The following CPQ variants were observed in gnomAD, a reference collection of about 807,000 sequenced individuals.
The protein encoded by CPQ is carboxypeptidase Q, also known as Ser-Met dipeptidase.
Under a neutral mutation model 45.7 loss-of-function variants are expected in CPQ, and 37 were observed. The ratio of observed to expected loss-of-function variants is 0.81; its 90% CI spans 0.62 to 1.07. The LOEUF (loss-of-function observed/expected upper bound fraction) is 1.07. CPQ is among the 50% of genes least tolerant of loss of function. The pLI is 0.00. For missense variants in CPQ, 537 were observed against 572.9 expected (o/e 0.94, Z 0.64); for synonymous variants, 186 against 205.8 (o/e 0.90, Z 0.82).
chr8:96,909,238 G>T (rs1207617045), intron 4 of CPQ, among the ~76,000 whole-genome samples: 1 of 151,714 alleles, frequency 6.6e-6, no homozygotes, highest in Admixed American at 6.6e-5. Context: ...GATATCATAT[G>T]CAACCGCTGG....
At chr8:96,705,584 C>T (rs1395531943) in intron 1 of CPQ, among the ~76,000 whole-genome samples, 7 of 152,106 alleles carry the variant, frequency 4.6e-5, no homozygotes, top group African/African-American at 1.7e-4. Flanking sequence ...TGCTCCTACC[C>T]CTAGACCTGT....
intron 2 of CPQ, among the ~76,000 whole-genome samples, chr8:96,816,322 G>T (rs1002503941): frequency 6.6e-5 from 10 of 152,212 alleles, no homozygotes; most frequent in Non-Finnish European, 8.8e-5. Flanking sequence ...CTCCTCATCT[G>T]TTAAAGCTTT....
chr8:97,136,807 AT>A (rs1217315455), intron 7 of CPQ, among the ~76,000 whole-genome samples: 1 of 152,176 alleles, frequency 6.6e-6, no homozygotes, highest in Non-Finnish European at 1.5e-5. Flanking sequence ...TCATAAATGC[AT>A]TTTATGACTC....
intron 3 of CPQ, among the ~76,000 whole-genome samples, chr8:96,865,695 G>A (rs558483430): frequency 6.6e-6 from 1 of 152,162 alleles, no homozygotes; most frequent in South Asian, 2.1e-4. Flanking sequence ...CGTGGGGTTT[G>A]AGAACAGTTA....
In CPQ at chr8:96,778,557, C is replaced by T. The variant is rs1164251907; in HGVS notation, c.-34-6307C>T. On this transcript the variant is annotated intron_variant, in intron 1 of 7. Transcript: ENST00000220763. Reference sequence around the variant, plus strand: ...CTTAGTAAATCTTCTAAAGTGCTACCGATATACTCAGGGAAAACTAACTTT... The same window carrying T: ...CTTAGTAAATCTTCTAAAGTGCTACTGATATACTCAGGGAAAACTAACTTT... 5.3e-5 allele frequency among the ~76,000 whole-genome samples: 8 copies of T among 151,904 alleles called. No homozygotes were observed. In the East Asian group the frequency reaches 1.2e-3, roughly 22 times the overall value.
At chr8:96,859,048 T>C (rs2130865772) in intron 3 of CPQ, among the ~76,000 whole-genome samples, 1 of 152,332 alleles carries the variant, frequency 6.6e-6, no homozygotes, top group South Asian at 2.1e-4. Flanking sequence ...ATTTTTTTGT[T>C]TGAATGCCAG....
intron 7 of CPQ, among the ~76,000 whole-genome samples, chr8:97,113,876 G>C (rs993612084): frequency 4.6e-5 from 7 of 152,210 alleles, no homozygotes; most frequent in African/African-American, 1.4e-4. Flanking sequence ...AGCTGGGCCT[G>C]TTCCAACTGT....
chr8:96,719,667 G>A (rs887908139), intron 1 of CPQ, among the ~76,000 whole-genome samples: 4 of 152,218 alleles, frequency 2.6e-5, no homozygotes, highest in African/African-American at 9.7e-5. Flanking sequence ...CACTGCCTGT[G>A]TCAGCTGGCA....
At chr8:97,061,136 T>A (rs1255486114) in intron 6 of CPQ, among the ~76,000 whole-genome samples, 1 of 152,182 alleles carries the variant, frequency 6.6e-6, no homozygotes, top group African/African-American at 2.4e-5. Flanking sequence ...CAAACATTTC[T>A]ATACCTATGC....
chr8:97,083,873 G>T (rs1203156673), intron 7 of CPQ, among the ~76,000 whole-genome samples: 1 of 152,100 alleles, frequency 6.6e-6, no homozygotes, highest in African/African-American at 2.4e-5. Context: ...TATACATAGG[G>T]TATGCATTTT....
chr8:97,135,445 G>C (rs1239168417), intron 7 of CPQ, among the ~76,000 whole-genome samples: 1 of 152,158 alleles, frequency 6.6e-6, no homozygotes, highest in Admixed American at 6.5e-5. Flanking sequence ...CTTGAAAAGA[G>C]AGATTAAGTG....
chr8:96,708,169 CCT>C (rs767840042), intron 1 of CPQ, among the ~76,000 whole-genome samples: 8 of 152,030 alleles, frequency 5.3e-5, no homozygotes, highest in Non-Finnish European at 1.0e-4. Context: ...TCTTCCTTTG[CCT>C]CTCTTCTTCT....
chr8:96,757,466 G>T (rs1810342603), intron 1 of CPQ, among the ~76,000 whole-genome samples: 1 of 150,902 alleles, frequency 6.6e-6, no homozygotes, highest in South Asian at 2.1e-4. Flanking sequence ...CTAATAAAAA[G>T]CCTGAGGCCA....
intron 4 of CPQ, among the ~76,000 whole-genome samples, chr8:96,950,262 G>A (rs552950077): frequency 6.6e-5 from 10 of 152,170 alleles, no homozygotes; most frequent in African/African-American, 2.2e-4. Flanking sequence ...GGGAATTAAT[G>A]GGAAATTTGT....
intron 1 of CPQ, among the ~76,000 whole-genome samples, chr8:96,663,748 G>A (rs1808884800): frequency 6.6e-6 from 1 of 152,114 alleles, no homozygotes; most frequent in Admixed American, 6.6e-5. Context: ...AATATTGTGT[G>A]TGTAGGTGTG....
chr8:96,890,743 C>T (rs1043419128), intron 4 of CPQ, among the ~76,000 whole-genome samples: 4 of 152,200 alleles, frequency 2.6e-5, no homozygotes, highest in African/African-American at 9.6e-5. Context: ...CATTGTTGTG[C>T]CTCCTGGCAA....
chr8:96,746,919 C>G (rs1420361156), intron 1 of CPQ, among the ~76,000 whole-genome samples: 2 of 152,114 alleles, frequency 1.3e-5, no homozygotes, highest in African/African-American at 4.8e-5. Flanking sequence ...ATGTGCGTTC[C>G]AAAATATTTC....
At chr8:96,762,908 A>G (rs1003857606) in intron 1 of CPQ, among the ~76,000 whole-genome samples, 1 of 152,170 alleles carries the variant, frequency 6.6e-6, no homozygotes, top group African/African-American at 2.4e-5. Flanking sequence ...TTAGTTTGCT[A>G]GGACTGCCAT....
In CPQ at chr8:96,994,948, T is replaced by TA. The variant is rs763307449; in HGVS notation, c.961+28903dup. Among the ~76,000 whole-genome samples the TA allele has an allele frequency of 1.3e-3, 204 of 152,206 alleles. 1 individual carries two copies. Among genetic ancestry groups the TA allele is most frequent in the Non-Finnish European group, 2.2e-3 (149 of 67,966 alleles). On this transcript the variant is annotated intron_variant, in intron 5 of 7. Transcript: ENST00000220763. ...TTATGACCTTGGCATTCATGAAACT[T>TA]AGAGTCGAATCTAGTGAATGATGGG... is the stretch of plus-strand genomic sequence containing the variant.
Sources: gnomAD v4.1 joint callset for allele counts (sites outside exome capture counted in the v4.1 genomes callset) on GRCh38, gnomAD v4.1.1 for gene constraint, MANE v1.5 for transcripts, NCBI Gene and HGNC (gene_info 2026-07-23, HGNC 2026-07-21) for gene names.